The following DYRK1A variants were observed in gnomAD, a reference collection of about 807,000 sequenced individuals.
The protein encoded by DYRK1A is dual specificity tyrosine-phosphorylation-regulated kinase 1A.
Under a neutral mutation model 79.7 loss-of-function variants are expected in DYRK1A, and 9 were observed. The ratio of observed to expected loss-of-function variants is 0.11; its 90% CI spans 0.07 to 0.20. The LOEUF is 0.20. Ranked by LOEUF, DYRK1A falls within the 10% of genes least tolerant of loss-of-function variation. DYRK1A has a pLI of 1.00. For missense variants in DYRK1A, 622 were observed against 956.0 expected, an observed-to-expected ratio of 0.65 and a Z score of 4.61; for synonymous variants, 349 against 329.7, an observed-to-expected ratio of 1.06 and a Z score of -0.63.
At chr21:37,479,625 T>TTTTTTTTTTTTTTTTTTG (rs2052560549) in intron 4 of DYRK1A, among the ~76,000 whole-genome samples, 1 of 97,536 alleles carries the variant, frequency 1.0e-5, no homozygotes, top group African/African-American at 5.6e-5. Flanking sequence ...TTTTGTTTTT[T>TTTTTTTTTTTTTTTTTTG]TTTTTTTTTT....
chr21:37,403,659 ATATATG>A (rs1262998333), intron 1 of DYRK1A, among the ~76,000 whole-genome samples: 220 of 125,328 alleles, frequency 1.8e-3, no homozygotes, highest in South Asian at 0.014. Flanking sequence ...ATATATATAT[ATATATG>A]TGTGTGTGTG....
At chr21:37,456,804 A>G (rs913744920) in intron 2 of DYRK1A, among the ~76,000 whole-genome samples, 2 of 152,158 alleles carry the variant, frequency 1.3e-5, no homozygotes, top group African/African-American at 2.4e-5. Context: ...CACCTTATGC[A>G]TAGGGCTTTT....
intron 11 of DYRK1A, chr21:37,506,432 G>T: frequency 7.0e-7 from 1 of 1,418,772 alleles, no homozygotes; most frequent in Non-Finnish European, 9.4e-7. Context: ...CTTATTGGGG[G>T]CATAACAGTT....
At chr21:37,365,935 G>A (rs1424299022), upstream of DYRK1A, 1 of 152,124 alleles carries the variant, frequency 6.6e-6, no homozygotes, top group Non-Finnish European at 1.5e-5. Context: ...CGCTGGTCTC[G>A]GGCGCCACAA....
chr21:37,495,188 GT>G (rs2053228825), intron 8 of DYRK1A, among the ~76,000 whole-genome samples: 1 of 148,014 alleles, frequency 6.8e-6, no homozygotes, highest in African/African-American at 2.5e-5. Flanking sequence ...GTGTGTGTGT[GT>G]GTGTGTGTGT....
Position 37,513,270 on chromosome 21 carries a change from G to A in DYRK1A, c.*739G>A, listed in dbSNP as rs1256154883. 1.3e-5 allele frequency: 2 copies of A among 152,758 alleles called. No individual in the cohort carries two copies. The highest frequency in any genetic ancestry group is 2.9e-5 in the Non-Finnish European group (2 of 68,172). The allele number at this position is 152,758 out of a possible 1,614,324, so 9.5% of individuals were successfully genotyped here. A position where few individuals can be genotyped will look rare whatever the true frequency, so the allele number is the denominator to read the frequency against. On this transcript the variant is annotated 3_prime_UTR_variant, in exon 12 of 12. Transcript: ENST00000647188. ...AGGAAGATAGGATGGAACGTGACTGGTCTCCTAACCAAGGTGCACTGAGAA... is the reference window on the plus strand; with the variant it reads ...AGGAAGATAGGATGGAACGTGACTGATCTCCTAACCAAGGTGCACTGAGAA...
intron 2 of DYRK1A, among the ~76,000 whole-genome samples, chr21:37,461,037 T>G (rs1360778622): frequency 1.3e-5 from 2 of 152,178 alleles, no homozygotes; most frequent in Non-Finnish European, 2.9e-5. Flanking sequence ...GGCTTACCTT[T>G]TGTAATCAAG....
intron 2 of DYRK1A, among the ~76,000 whole-genome samples, chr21:37,425,411 C>CT (rs1450262776): frequency 1.3e-5 from 2 of 151,646 alleles, no homozygotes; most frequent in Non-Finnish European, 2.9e-5. Context: ...ATTTATGTTT[C>CT]TAAGTGGAAG....
chr21:37,377,429 C>T (rs1243668468), intron 1 of DYRK1A, among the ~76,000 whole-genome samples: 5 of 151,836 alleles, frequency 3.3e-5, no homozygotes, highest in Admixed American at 2.0e-4. Context: ...TTTTTTTTTA[C>T]TTGACCTATG....
rs530618641 is a variant in DYRK1A at position 37,383,104 on chromosome 21, C to T, written c.-77+15476C>T. ...TGCAGTTAGGATGCAATCCTGTGGC[C>T]TCCATGACTGGCAGTGCTTGCCTAC... is the stretch of plus-strand genomic sequence containing the variant. On this transcript the variant is annotated intron_variant, in intron 1 of 11. Transcript: ENST00000647188. 4.1e-4 allele frequency among the ~76,000 whole-genome samples: 63 copies of T among 152,312 alleles called. 1 individual carries two copies. The highest frequency in any genetic ancestry group is 1.5e-3 in the African/African-American group (62 of 41,556).
At chr21:37,493,357 G>A (rs1371116586) in intron 8 of DYRK1A, among the ~76,000 whole-genome samples, 194 bp downstream of exon 8, 1 of 152,156 alleles carries the variant, frequency 6.6e-6, no homozygotes, top group Admixed American at 6.5e-5. Flanking sequence ...ATAGGAGTAG[G>A]ATATTTTAAT....
rs1306641734 is a variant in DYRK1A at position 37,519,748 on chromosome 21, T to TTTTGTTTTGTTTTGTTTTGTATTG, written c.*7220_*7221insGTTTTGTTTTGTTTTGTATTGTTT. 7.9e-6 allele frequency: 1 copy of TTTTGTTTTGTTTTGTTTTGTATTG among 126,718 alleles called. No homozygotes were observed. The highest frequency in any genetic ancestry group is 1.6e-5 in the Non-Finnish European group (1 of 63,478). The allele number at this position is 126,718 out of a possible 1,614,324, so 7.8% of individuals were successfully genotyped here. A position where few individuals can be genotyped will look rare whatever the true frequency, so the allele number is the denominator to read the frequency against. On this transcript the variant is annotated 3_prime_UTR_variant, in exon 12 of 12. Transcript: ENST00000647188. ...TTTGTTGTGGGAAGTTTTTTTTTTT[T>TTTTGTTTTGTTTTGTTTTGTATTG]TTTTTTTTTTTGAGGCGGAGTCTCG...
At chr21:37,473,094 GTC>G (rs1265776033) in intron 3 of DYRK1A, among the ~76,000 whole-genome samples, 4 of 151,736 alleles carry the variant, frequency 2.6e-5, no homozygotes, top group Admixed American at 6.6e-5. Context: ...CATAACCACA[GTC>G]TCTCATTCTG....
At chr21:37,372,294 CA>C (rs34428459) in intron 1 of DYRK1A, among the ~76,000 whole-genome samples, 79,170 of 147,042 alleles carry the variant, frequency 0.54, 21,245 homozygotes, top group African/African-American at 0.64. Context: ...CAAAACAAAA[CA>C]AAAAAAAAAC....
intron 1 of DYRK1A, among the ~76,000 whole-genome samples, chr21:37,409,340 A>G (rs1051472573): frequency 1.3e-5 from 2 of 152,166 alleles, no homozygotes; most frequent in Non-Finnish European, 2.9e-5. Context: ...CCAGGAGTTC[A>G]CCTGGGGCAG....
At chr21:37,428,510 T>C (rs2050688862) in intron 2 of DYRK1A, among the ~76,000 whole-genome samples, 1 of 152,222 alleles carries the variant, frequency 6.6e-6, no homozygotes, top group Non-Finnish European at 1.5e-5. Context: ...CTGGAAAGTT[T>C]TTTAGATGTA....
chr21:37,507,296 C>T (rs747680935), intron 11 of DYRK1A, among the ~76,000 whole-genome samples: 1 of 152,162 alleles, frequency 6.6e-6, no homozygotes, highest in African/African-American at 2.4e-5. Context: ...GGGGCTTTGC[C>T]CTTTGGTCTC....
chr21:37,463,043 T>C (rs1245305862), intron 2 of DYRK1A, among the ~76,000 whole-genome samples: 3 of 152,166 alleles, frequency 2.0e-5, no homozygotes, highest in South Asian at 2.1e-4. Context: ...AATTTTAATA[T>C]ATAGATTCAG....
intron 9 of DYRK1A, chr21:37,502,631 T>A (rs1347452500): frequency 3.3e-5 from 5 of 152,182 alleles, no homozygotes; most frequent in Admixed American, 6.5e-5. Flanking sequence ...AAAAAAGAAA[T>A]TTAAAAAGAC....
Sources: gnomAD v4.1 joint callset for allele counts (sites outside exome capture counted in the v4.1 genomes callset) on GRCh38, gnomAD v4.1.1 for gene constraint, MANE v1.5 for transcripts, NCBI Gene and HGNC (gene_info 2026-07-23, HGNC 2026-07-21) for gene names.